CNTNAP2: variants seen among roughly 807,000 people sequenced by gnomAD.
CNTNAP2 encodes contactin associated protein 2.
CNTNAP2 carries 98 observed loss-of-function variants against 155.2 expected under a neutral mutation model. That is an observed-to-expected ratio of 0.63 (90% CI 0.54 to 0.75). The LOEUF is 0.75. Ranked by LOEUF, CNTNAP2 falls within the 30% of genes least tolerant of loss-of-function variation. The pLI is 0.00. For synonymous variants in CNTNAP2, 651 were observed against 631.2 expected (o/e 1.03, Z -0.47); for missense variants, 1,727 against 1,688.1 (o/e 1.02, Z -0.40).
At chr7:146,341,153 C>T (rs949509869) in intron 1 of CNTNAP2, among the ~76,000 whole-genome samples, 37 of 152,164 alleles carry the variant, frequency 2.4e-4, no homozygotes, top group Non-Finnish European at 5.0e-4. Flanking sequence ...TTCATTTTAA[C>T]TATCTTATTT....
At chr7:146,679,522 AT>A (rs1800465069) in intron 1 of CNTNAP2, among the ~76,000 whole-genome samples, 1 of 151,556 alleles carries the variant, frequency 6.6e-6, no homozygotes, top group South Asian at 2.1e-4. Context: ...CGCCCAGCTA[AT>A]TTTTTGTATT....
intron 15 of CNTNAP2, among the ~76,000 whole-genome samples, chr7:148,117,438 A>G (rs1196124039): frequency 6.6e-6 from 1 of 151,962 alleles, no homozygotes; most frequent in Admixed American, 6.6e-5. Flanking sequence ...CCGGCTCCTC[A>G]CCTCCTCCAG....
rs1585302884 is a variant in CNTNAP2 at position 148,357,378 on chromosome 7, T to C, written c.3476-26271T>C. On this transcript the variant is annotated intron_variant, in intron 21 of 23. Transcript: ENST00000361727. Reference sequence around the variant, plus strand: ...CCTCTTTCCTTTATAAATTACCCAGTCTTGGTTATGTCTTTATTAGCAGCA... The same window carrying C: ...CCTCTTTCCTTTATAAATTACCCAGCCTTGGTTATGTCTTTATTAGCAGCA... Among the ~76,000 whole-genome samples the C allele has an allele frequency of 2.0e-5, 3 of 152,334 alleles. No individual in the cohort carries two copies. In the South Asian group the frequency reaches 6.2e-4, roughly 32 times the overall value.
At chr7:146,656,528 G>A (rs370279518) in intron 1 of CNTNAP2, among the ~76,000 whole-genome samples, 16 of 152,218 alleles carry the variant, frequency 1.1e-4, no homozygotes, top group African/African-American at 3.4e-4. Context: ...GTAAGCATAC[G>A]GATGAGATTT....
intron 4 of CNTNAP2, among the ~76,000 whole-genome samples, chr7:147,060,940 T>G (rs116114761): frequency 0.049 from 7,433 of 150,428 alleles, no homozygotes; most frequent in African/African-American, 0.15. Context: ...TTCTGAGATG[T>G]AGTATTATGG....
intron 3 of CNTNAP2, among the ~76,000 whole-genome samples, chr7:146,912,651 C>T (rs148148986): frequency 1.2e-3 from 176 of 152,210 alleles, no homozygotes; most frequent in African/African-American, 3.3e-3. Context: ...ATTCTAATCT[C>T]ATAATTTAGT....
intron 9 of CNTNAP2, among the ~76,000 whole-genome samples, chr7:147,340,419 T>C (rs1795741435): frequency 6.6e-6 from 1 of 152,286 alleles, no homozygotes; most frequent in East Asian, 1.9e-4. Context: ...TTTTCTGTGC[T>C]TTTTATTTTT....
chr7:146,644,657 C>T (rs191200038), intron 1 of CNTNAP2, among the ~76,000 whole-genome samples: 123 of 152,076 alleles, frequency 8.1e-4, no homozygotes, highest in Admixed American at 4.7e-3. Context: ...ATATCACCAC[C>T]GATCCCACAG....
intron 15 of CNTNAP2, among the ~76,000 whole-genome samples, chr7:148,079,086 G>A (rs1246652616): frequency 3.9e-5 from 6 of 152,146 alleles, no homozygotes; most frequent in Admixed American, 3.9e-4. Context: ...CTGGGTCTAT[G>A]ATGTTGTCAA....
chr7:148,137,999 G>A (rs932574953), intron 16 of CNTNAP2, among the ~76,000 whole-genome samples: 3 of 152,136 alleles, frequency 2.0e-5, no homozygotes, highest in Non-Finnish European at 2.9e-5. Flanking sequence ...GACACTGAAA[G>A]GATTTGATAG....
intron 13 of CNTNAP2, among the ~76,000 whole-genome samples, chr7:147,853,652 C>T (rs971983770): frequency 1.3e-5 from 2 of 152,182 alleles, no homozygotes. Context: ...ATAATCTGAA[C>T]TCTAACACAA....
At chr7:147,499,747 T>C (rs539133298) in intron 11 of CNTNAP2, among the ~76,000 whole-genome samples, 1 of 151,322 alleles carries the variant, frequency 6.6e-6, no homozygotes, top group African/African-American at 2.4e-5. Context: ...GTTAGGAGAG[T>C]GGGTGGGGAG....
intron 9 of CNTNAP2, among the ~76,000 whole-genome samples, chr7:147,305,514 T>C (rs553989625): frequency 2.0e-5 from 3 of 152,334 alleles, no homozygotes; most frequent in Admixed American, 2.0e-4. Context: ...AGAATCCACT[T>C]GTCAGCACTG....
At chr7:146,356,331 C>G (rs1173948647) in intron 1 of CNTNAP2, among the ~76,000 whole-genome samples, 1 of 152,138 alleles carries the variant, frequency 6.6e-6, no homozygotes, top group Non-Finnish European at 1.5e-5. Context: ...TTTCAGAGGT[C>G]TTCTGACAGG....
chr7:147,598,163 CTTTCT>C lies in CNTNAP2; in HGVS notation c.1897+35910_1897+35914del, dbSNP rs1417558291. 8.1e-3 allele frequency among the ~76,000 whole-genome samples: 789 copies of C among 97,310 alleles called. 10 individuals are homozygous for C. Among genetic ancestry groups the C allele is most frequent in the African/African-American group, 0.027 (743 of 27,248 alleles). The allele number at this position is 97,310 out of a possible 152,430, so 63.8% of individuals were successfully genotyped here. On this transcript the variant is annotated intron_variant, in intron 12 of 23. Transcript: ENST00000361727. ...TTGCCTGTAATTACAGCCTTTCTTTCTTTCTTTTTTTTTTTTTCTACTTTAAGTTC... is the reference window on the plus strand; with the variant it reads ...TTGCCTGTAATTACAGCCTTTCTTTCTTTTTTTTTTTTCTACTTTAAGTTC...
intron 1 of CNTNAP2, among the ~76,000 whole-genome samples, chr7:146,130,060 G>C (rs929444381): frequency 6.6e-6 from 1 of 152,174 alleles, no homozygotes; most frequent in African/African-American, 2.4e-5. Flanking sequence ...AGTGGTTTTG[G>C]AATTAGTCTT....
chr7:147,365,130 G>A (rs1490068908), intron 9 of CNTNAP2, among the ~76,000 whole-genome samples: 3 of 151,812 alleles, frequency 2.0e-5, no homozygotes, highest in African/African-American at 7.3e-5. Context: ...TAGGCCGAGT[G>A]CAGTGGCTCA....
At position 148,390,358 on chromosome 7, in the gene CNTNAP2, A is replaced by G. The variant is rs763254979; in HGVS notation, c.3715+6470A>G. The stretch of plus-strand genomic sequence containing the variant: ...TCGGTGGCTCCAGTGAAAGCACCTC[A>G]TTATGAGGAAGATGTGAAATTATTA... On this transcript the variant is annotated intron_variant, in intron 22 of 23. Coordinates refer to ENST00000361727, the MANE Select transcript of CNTNAP2 (RefSeq NM_014141.6). 3.7e-4 allele frequency among the ~76,000 whole-genome samples: 57 copies of G among 152,168 alleles called. 1 individual carries two copies. The highest frequency in any genetic ancestry group is 7.5e-4 in the Non-Finnish European group (51 of 68,022).
chr7:147,317,274 T>G (rs371466578), intron 9 of CNTNAP2, among the ~76,000 whole-genome samples: 1 of 152,228 alleles, frequency 6.6e-6, no homozygotes, highest in Non-Finnish European at 1.5e-5. Context: ...TTCCACTGAC[T>G]TTGTCTTGCC....
Sources: gnomAD v4.1 joint callset for allele counts (sites outside exome capture counted in the v4.1 genomes callset) on GRCh38, gnomAD v4.1.1 for gene constraint, MANE v1.5 for transcripts, NCBI Gene and HGNC (gene_info 2026-07-23, HGNC 2026-07-21) for gene names.